Variants in TRIM26 observed in about 807,000 individuals in gnomAD.
TRIM26 encodes the protein tripartite motif-containing protein 26.
In TRIM26, 16 loss-of-function variants were observed where a neutral mutation model predicts 45.5. That is an observed-to-expected ratio of 0.35 (90% CI 0.24 to 0.53). TRIM26 has a LOEUF of 0.53. TRIM26 is among the 20% of genes least tolerant of loss of function. The pLI is 0.92. For missense variants in TRIM26, 442 were observed against 691.1 expected, an observed-to-expected ratio of 0.64 and a Z score of 4.04; for synonymous variants, 273 against 290.4, an observed-to-expected ratio of 0.94 and a Z score of 0.61.
chr6:30,200,324 A>G (rs980276367), intron 3 of TRIM26, among the ~76,000 whole-genome samples: 1 of 152,166 alleles, frequency 6.6e-6, no homozygotes, highest in African/African-American at 2.4e-5. Context: ...ACAAACAAAC[A>G]AACAGCACTG....
chr6:30,193,854 C>T (rs958520854), intron 6 of TRIM26, among the ~76,000 whole-genome samples: 6 of 152,008 alleles, frequency 3.9e-5, no homozygotes, highest in Non-Finnish European at 8.8e-5. Context: ...GGGTTGCTTT[C>T]TTGATGTCTT....
chr6:30,202,756 G>A (rs1325072008), intron 2 of TRIM26, among the ~76,000 whole-genome samples: 5 of 152,090 alleles, frequency 3.3e-5, no homozygotes, highest in African/African-American at 1.2e-4. Flanking sequence ...ACCGATGGAG[G>A]AATTAAACCA....
intron 6 of TRIM26, among the ~76,000 whole-genome samples, chr6:30,194,464 A>AT (rs1776258767): frequency 6.6e-6 from 1 of 152,214 alleles, no homozygotes. Context: ...AGAAGAGAGG[A>AT]TTTTGAATGT....
chr6:30,186,494 G>A lies in TRIM26; in HGVS notation c.1002C>T (p.Cys334=), dbSNP rs1396875438. The A allele has an allele frequency of 4.5e-6, 7 of 1,547,900 alleles. No individual in the cohort carries two copies. The highest frequency in any genetic ancestry group is 1.4e-5 in the African/African-American group (1 of 72,870). The change falls in exon 10 of 10, where the codon TGC becomes TGT. Residue 334 remains cysteine (C), a synonymous_variant. Coordinates refer to ENST00000454678, the MANE Select transcript of TRIM26 (RefSeq NM_003449.5). This position sits in a 1 kb window ranked among gnomAD's most constrained non-coding sequence, Gnocchi z 7.4. ...TCTTGTACAGGCTGGTGTAGGTCAC[G>A]CACTTCCAGTCCTCTGACAGCTGCA... ...GYLQLSEDWK[C]VTYTSLYKSA...
chr6:30,209,817 T>C lies in TRIM26; in HGVS notation c.-376+3488A>G, dbSNP rs562073959. ...GGGTTCAAGACTAGCCTGGCCAACATAGGGAGAGACTGTCTCTAAAATAAA... is the reference window on the plus strand; with the variant it reads ...GGGTTCAAGACTAGCCTGGCCAACACAGGGAGAGACTGTCTCTAAAATAAA... On this transcript the variant is annotated intron_variant, in intron 1 of 9. Coordinates refer to ENST00000454678, the MANE Select transcript of TRIM26 (RefSeq NM_003449.5). The surrounding 1 kb of genome is among the most constrained non-coding windows in gnomAD (Gnocchi z 4.8). Among the ~76,000 whole-genome samples the C allele has an allele frequency of 1.3e-4, 19 of 149,840 alleles. No individual in the cohort carries two copies. Among genetic ancestry groups the C allele is most frequent in the Admixed American group, 4.7e-4 (7 of 15,046 alleles).
intron 1 of TRIM26, among the ~76,000 whole-genome samples, chr6:30,212,915 C>CAAA (rs3059548): frequency 5.3e-4 from 69 of 130,238 alleles, no homozygotes; most frequent in African/African-American, 8.9e-4. Flanking sequence ...TTACTCCGAA[C>CAAA]AAAAAAAAAA....
intron 6 of TRIM26, among the ~76,000 whole-genome samples, chr6:30,192,214 C>T (rs1775920626): frequency 6.6e-6 from 1 of 152,174 alleles, no homozygotes; most frequent in South Asian, 2.1e-4. Flanking sequence ...CAGGCAGAGC[C>T]GAGCAGTGGG....
At position 30,189,909 on chromosome 6, in the gene TRIM26, C is replaced by G; in HGVS notation, c.788+104G>C. 2 of 1,393,358 alleles carry G rather than the reference C, an allele frequency of 1.4e-6. No individual in the cohort carries two copies. Among genetic ancestry groups the G allele is most frequent in the Non-Finnish European group, 2.0e-6 (2 of 984,198 alleles). 86.3% of individuals were successfully genotyped at this position (1,393,358 alleles called of 1,614,324 possible). ...AGGATGAACCATGGGATGTGAGTAC[C>G]TCTGGCACCATACCACTCCCCATGA... On this transcript the variant is annotated intron_variant, in intron 7 of 9. Coordinates refer to ENST00000454678, the MANE Select transcript of TRIM26 (RefSeq NM_003449.5). The surrounding 1 kb of genome is among the most constrained non-coding windows in gnomAD (Gnocchi z 5.0).
At chr6:30,193,193 T>TTTTTTTTTC (rs41316756) in intron 6 of TRIM26, among the ~76,000 whole-genome samples, 24 of 68,126 alleles carry the variant, frequency 3.5e-4, no homozygotes, top group Admixed American at 5.4e-4. Flanking sequence ...TTTTTTTTTT[T>TTTTTTTTTC]TTTTTTTTAA....
Position 30,186,176 on chromosome 6 carries a change from C to G in TRIM26, c.1320G>C (p.Gly440=). 6.3e-7 allele frequency: 1 copy of G among 1,597,362 alleles called. No individual in the cohort carries two copies. Among genetic ancestry groups the G allele is most frequent in the Non-Finnish European group, 8.5e-7 (1 of 1,171,562 alleles). Residue 440 remains glycine (G), a synonymous_variant, in exon 10 of 10, where the codon GGG becomes GGC. Coordinates refer to ENST00000454678, the MANE Select transcript of TRIM26 (RefSeq NM_003449.5). This position sits in a 1 kb window ranked among gnomAD's most constrained non-coding sequence, Gnocchi z 7.4. ...EEEVLESCMV[G]VARDSVKRKG... is the part of the protein sequence containing the mutation. ...TCCTCTTCACAGAGTCTCTAGCCACCCCCACCATGCAGCTTTCCAGAACTT... is the reference window on the plus strand; with the variant it reads ...TCCTCTTCACAGAGTCTCTAGCCACGCCCACCATGCAGCTTTCCAGAACTT...
In TRIM26 at chr6:30,198,355, C is replaced by T. The variant is rs147174745; in HGVS notation, c.534+74G>A. On this transcript the variant is annotated intron_variant, in intron 5 of 9. Transcript: ENST00000454678. This position sits in a 1 kb window ranked among gnomAD's most constrained non-coding sequence, Gnocchi z 6.3. ...GCGCCTAGAAACACCTCCCAGCTGC[C>T]GCCTACTTGCCCAGGCTCACCCTGC... 2.0e-3 allele frequency: 3,136 copies of T among 1,541,148 alleles called. 13 individuals are homozygous for T. Among genetic ancestry groups the T allele is most frequent in the African/African-American group, 0.012 (864 of 73,340 alleles).
intron 2 of TRIM26, among the ~76,000 whole-genome samples, chr6:30,203,401 CTTAT>C (rs961841597): frequency 2.6e-5 from 4 of 151,708 alleles, no homozygotes; most frequent in African/African-American, 7.3e-5. Flanking sequence ...GCCTATACTT[CTTAT>C]TTATTTATTA....
At chr6:30,201,789 A>G (rs181286131) in intron 2 of TRIM26, among the ~76,000 whole-genome samples, 80 of 152,124 alleles carry the variant, frequency 5.3e-4, no homozygotes, top group Middle Eastern at 3.4e-3. Context: ...CAGAGGTTGC[A>G]GTGAGCCGAG....
At chr6:30,211,242 C>T (rs1451473192) in intron 1 of TRIM26, among the ~76,000 whole-genome samples, 2 of 152,132 alleles carry the variant, frequency 1.3e-5, no homozygotes, top group Admixed American at 6.5e-5. Flanking sequence ...ACACACATTA[C>T]CTAGATATCT....
Position 30,189,449 on chromosome 6 carries a change from G to C in TRIM26, c.873C>G (p.Leu291=), listed in dbSNP as rs1775582485. Residue 291 remains leucine, a synonymous_variant, in exon 8 of 10, where the codon CTC becomes CTG. Transcript: ENST00000454678. The surrounding 1 kb of genome is among the most constrained non-coding windows in gnomAD (Gnocchi z 5.0). The part of the protein sequence containing the change: ...KKTGEFSDKL[L]SLQRGLREFQ... ...ATTCCCTCAGGCCTCGTTGCAGAGA[G>C]AGGAGTTTATCTGAGAATTCTCCGG... 1.2e-6 allele frequency: 2 copies of C among 1,613,082 alleles called. No homozygotes were observed. Among genetic ancestry groups the C allele is most frequent in the Admixed American group, 1.7e-5 (1 of 60,028 alleles).
At chr6:30,201,857 A>AG (rs541658043) in intron 2 of TRIM26, among the ~76,000 whole-genome samples, 39 of 152,158 alleles carry the variant, frequency 2.6e-4, no homozygotes, top group South Asian at 2.3e-3. Flanking sequence ...CAAAAAAAAA[A>AG]AAAGAAAGAA....
chr6:30,211,934 A>G (rs916728169), intron 1 of TRIM26, among the ~76,000 whole-genome samples: 1 of 152,210 alleles, frequency 6.6e-6, no homozygotes, highest in South Asian at 2.1e-4. Flanking sequence ...AAGGGGGAAT[A>G]TAACTCTTGG....
intron 1 of TRIM26, among the ~76,000 whole-genome samples, chr6:30,206,366 G>A (rs1011398392): frequency 3.9e-5 from 6 of 152,212 alleles, no homozygotes; most frequent in Non-Finnish European, 5.9e-5. Context: ...AGCATCAGTG[G>A]TGCTCTGAAG....
rs9278612 is a variant in TRIM26, at chr6:30,208,904, ATGTGTGTGTG to A, written c.-375-4149_-375-4140del. ...CACTCTGGAGGATGGGATATAGAAT[ATGTGTGTGTG>A]TGTGTGTGTGTGTGTGTGTGTGTGT... is the stretch of plus-strand genomic sequence containing the variant. On this transcript the variant is annotated intron_variant, in intron 1 of 9. Coordinates refer to ENST00000454678, the MANE Select transcript of TRIM26 (RefSeq NM_003449.5). Among the ~76,000 whole-genome samples, 239 of 140,828 alleles carry A rather than the reference ATGTGTGTGTG, an allele frequency of 1.7e-3. 1 individual carries two copies. Among genetic ancestry groups the A allele is most frequent in the East Asian group, 0.014 (66 of 4,698 alleles). 92.4% of individuals were successfully genotyped at this position (140,828 alleles called of 152,430 possible).
Sources: allele counts gnomAD v4.1 joint callset (sites outside exome capture counted in the v4.1 genomes callset), GRCh38; gene constraint gnomAD v4.1.1; non-coding constraint Gnocchi (gnomAD v3.1); transcripts MANE v1.5; gene names NCBI Gene and HGNC (gene_info 2026-07-23, HGNC 2026-07-21).